Variants in ZFHX3 observed in about 807,000 individuals in gnomAD.
ZFHX3 encodes the protein zinc finger homeobox protein 3.
ZFHX3 carries 42 observed loss-of-function variants against 279.1 expected under a neutral mutation model. The ratio of observed to expected loss-of-function variants is 0.15; its 90% confidence interval spans 0.12 to 0.19. The LOEUF (loss-of-function observed/expected upper bound fraction) is 0.19. Among genes scored for constraint, ZFHX3 ranks in the 10% least tolerant of loss-of-function variants. ZFHX3 has a pLI of 1.00. For missense variants in ZFHX3, 4,981 were observed against 4,754.0 expected (o/e 1.05, Z -1.40); for synonymous variants, 2,293 against 1,957.8 (o/e 1.17, Z -4.52).
rs140026311 is a variant in ZFHX3, at chr16:73,478,403, G to A, written c.-1546-22145C>T. Among the ~76,000 whole-genome samples, 437 of 152,062 alleles carry A rather than the reference G, an allele frequency of 2.9e-3. 1 individual carries two copies. Among genetic ancestry groups the A allele is most frequent in the African/African-American group, 9.9e-3 (410 of 41,452 alleles). On this transcript the variant is annotated intron_variant, in intron 2 of 17. Transcript: ENST00000641206. ...AGCTATCCAGGCTTCTTCCCTGCTA[G>A]TTTATTTTAATGCAGTAATAAATAA... is the stretch of plus-strand genomic sequence containing the variant.
At chr16:73,885,672 G>A (rs186803676) in intron 1 of ZFHX3, among the ~76,000 whole-genome samples, 154 of 152,280 alleles carry the variant, frequency 1.0e-3, no homozygotes, top group African/African-American at 3.5e-3. Flanking sequence ...AAAGCATTCC[G>A]TAAAGTAGAT....
chr16:72,920,621 G>A (rs2039560955), intron 3 of ZFHX3, among the ~76,000 whole-genome samples: 1 of 151,856 alleles, frequency 6.6e-6, no homozygotes, highest in Non-Finnish European at 1.5e-5. Context: ...AGTGAGACAC[G>A]ATGGCACCAT....
intron 4 of ZFHX3, among the ~76,000 whole-genome samples, chr16:72,863,426 G>A (rs1597322642): frequency 1.3e-5 from 2 of 151,578 alleles, no homozygotes; most frequent in African/African-American, 2.4e-5. Context: ...ACTGAGGCAG[G>A]AGGATGGCTT....
At chr16:72,828,260 G>T (rs1035179050) in intron 5 of ZFHX3, among the ~76,000 whole-genome samples, 2 of 152,148 alleles carry the variant, frequency 1.3e-5, no homozygotes, top group African/African-American at 2.4e-5. Context: ...TAAGAATTAG[G>T]TTGACCAAAT....
intron 1 of ZFHX3, among the ~76,000 whole-genome samples, chr16:73,855,400 A>G (rs328310): frequency 0.065 from 9,915 of 152,156 alleles, 1,051 homozygotes; most frequent in African/African-American, 0.22. Flanking sequence ...CTGAATTATC[A>G]GAGAGGAAGT....
At chr16:73,221,996 T>C (rs915746659) in intron 5 of ZFHX3, among the ~76,000 whole-genome samples, 6 of 152,142 alleles carry the variant, frequency 3.9e-5, no homozygotes, top group Admixed American at 6.5e-5. Flanking sequence ...GTTGGACATT[T>C]AGGTTATTTA....
intron 1 of ZFHX3, among the ~76,000 whole-genome samples, chr16:73,737,235 C>T (rs1197848170): frequency 6.6e-6 from 1 of 152,094 alleles, no homozygotes; most frequent in Non-Finnish European, 1.5e-5. Context: ...CAGGGTCTTG[C>T]TGTGTTGCCC....
intron 2 of ZFHX3, among the ~76,000 whole-genome samples, chr16:73,619,815 A>G (rs569237121): frequency 2.2e-4 from 34 of 152,228 alleles, no homozygotes; most frequent in South Asian, 4.2e-4. Context: ...GGTTTTCCTG[A>G]ATATGCACAA....
chr16:73,690,934 C>T lies in ZFHX3; in HGVS notation c.-1607-10694G>A, dbSNP rs796262601. On this transcript the variant is annotated intron_variant, in intron 1 of 17. Transcript: ENST00000641206. ...AAATTAAAGGGTGATTGTTTTGAGC[C>T]TCTATGGTTTGGAGTAGTTTGTTAT... Among the ~76,000 whole-genome samples, 27 of 152,274 alleles carry T rather than the reference C, an allele frequency of 1.8e-4. 1 individual carries two copies. Among genetic ancestry groups the T allele is most frequent in the African/African-American group, 5.5e-4 (23 of 41,560 alleles).
chr16:72,788,376 T>C lies in ZFHX3; in HGVS notation c.9900A>G (p.Thr3300=). 6.2e-7 allele frequency: 1 copy of C among 1,614,178 alleles called. No homozygotes were observed. Among genetic ancestry groups the C allele is most frequent in the Non-Finnish European group, 8.5e-7 (1 of 1,180,026 alleles). The change falls in exon 10 of 10, where the codon ACA becomes ACG. Residue 3300 remains threonine, a synonymous_variant. Coordinates refer to ENST00000268489, the MANE Select transcript of ZFHX3 (RefSeq NM_006885.4). Reference sequence around the variant, plus strand: ...GAAGGAACTGGCTTGTGAGCAATGCTGTGGGGTCCGAAGTCAACGCGGCCT... The same window carrying C: ...GAAGGAACTGGCTTGTGAGCAATGCCGTGGGGTCCGAAGTCAACGCGGCCT... The part of the protein sequence containing the change: ...ALQAALTSDP[T]ALLTSQFLPY...
At chr16:73,190,359 G>A (rs1968004139) in intron 5 of ZFHX3, among the ~76,000 whole-genome samples, 1 of 152,228 alleles carries the variant, frequency 6.6e-6, no homozygotes, top group Admixed American at 6.5e-5. Flanking sequence ...AAAAGACACA[G>A]CTAAGTTTAG....
At chr16:73,183,370 C>T (rs1441817590) in intron 5 of ZFHX3, among the ~76,000 whole-genome samples, 3 of 152,168 alleles carry the variant, frequency 2.0e-5, no homozygotes, top group African/African-American at 2.4e-5. Flanking sequence ...AAAAGATAGA[C>T]GTTCACCCTT....
chr16:72,853,875 T>C (rs2037680293), intron 4 of ZFHX3, among the ~76,000 whole-genome samples: 1 of 151,138 alleles, frequency 6.6e-6, no homozygotes, highest in South Asian at 2.1e-4. Context: ...GTGCACAGAC[T>C]AATAAAGTGT....
intron 1 of ZFHX3, among the ~76,000 whole-genome samples, chr16:73,057,686 G>C (rs763729203): frequency 2.6e-5 from 4 of 151,766 alleles, no homozygotes; most frequent in Non-Finnish European, 5.9e-5. Context: ...GGAGCCCCTA[G>C]TGTCCAGGGC....
chr16:73,125,752 C>G (rs774104632), intron 7 of ZFHX3, among the ~76,000 whole-genome samples: 2 of 151,824 alleles, frequency 1.3e-5, no homozygotes, highest in Non-Finnish European at 2.9e-5. Flanking sequence ...AAGCTGTGAT[C>G]GTGTGAGTTA....
intron 3 of ZFHX3, among the ~76,000 whole-genome samples, chr16:73,419,890 T>C (rs1024153178): frequency 1.3e-5 from 2 of 151,262 alleles, no homozygotes; most frequent in African/African-American, 2.4e-5. Flanking sequence ...AATTAACATA[T>C]ATATATATAG....
At chr16:73,558,270 C>T (rs1057254971) in intron 2 of ZFHX3, 1 of 152,140 alleles carries the variant, frequency 6.6e-6, no homozygotes, top group Admixed American at 6.5e-5. Flanking sequence ...TTTTACAGCC[C>T]ACTGAATAAC....
intron 7 of ZFHX3, among the ~76,000 whole-genome samples, chr16:73,104,530 T>C (rs1966270597): frequency 6.6e-6 from 1 of 152,184 alleles, no homozygotes; most frequent in South Asian, 2.1e-4. Flanking sequence ...ATGCCCAGCC[T>C]CCTGTGGATT....
chr16:73,518,247 A>T (rs1253193438), intron 2 of ZFHX3, among the ~76,000 whole-genome samples: 1 of 152,202 alleles, frequency 6.6e-6, no homozygotes, highest in East Asian at 1.9e-4. Flanking sequence ...TCGCTGGACT[A>T]CTTAAAGTGC....
Sources: gnomAD v4.1 joint callset for allele counts (sites outside exome capture counted in the v4.1 genomes callset) on GRCh38, gnomAD v4.1.1 for gene constraint, MANE v1.5 for transcripts, NCBI Gene and HGNC (gene_info 2026-07-23, HGNC 2026-07-21) for gene names.